The following CREB5 variants were observed in gnomAD, a reference collection of about 807,000 sequenced individuals.
CREB5 encodes cyclic AMP-responsive element-binding protein 5.
Under a neutral mutation model 57.1 loss-of-function variants are expected in CREB5, and 19 were observed. That is an observed-to-expected ratio of 0.33 (90% confidence interval 0.23 to 0.49). The LOEUF is 0.49. Among genes scored for constraint, CREB5 ranks in the 20% least tolerant of loss-of-function variants. The pLI, the probability that CREB5 is intolerant of heterozygous loss-of-function variation, is 0.99. For missense variants in CREB5, 579 were observed against 671.6 expected, an observed-to-expected ratio of 0.86 and a Z score of 1.52; for synonymous variants, 238 against 238.3, an observed-to-expected ratio of 1.00 and a Z score of 0.01.
chr7:28,633,257 C>T lies in CREB5; in HGVS notation c.464+62720C>T, dbSNP rs185350650. Among the ~76,000 whole-genome samples, 92 of 152,258 alleles carry T rather than the reference C, an allele frequency of 6.0e-4. No individual in the cohort carries two copies. In the Middle Eastern group the frequency reaches 0.014, roughly 23 times the overall value. On this transcript the variant is annotated intron_variant, in intron 5 of 10. Transcript: ENST00000357727. The stretch of plus-strand genomic sequence containing the variant: ...GTGCTTTTATCCACTCTATGGGATG[C>T]GTTTTTGTTCCAAAACAAATACTGG...
At chr7:28,457,623 T>C (rs1790161426) in intron 1 of CREB5, among the ~76,000 whole-genome samples, 1 of 152,172 alleles carries the variant, frequency 6.6e-6, no homozygotes, top group South Asian at 2.1e-4. Context: ...CTTGGGTATA[T>C]TAGAGATACA....
At position 28,560,889 on chromosome 7, in the gene CREB5, T is replaced by TGCGC. The variant is rs1310018316; in HGVS notation, c.292-9475_292-9474insCGCG. Among the ~76,000 whole-genome samples the TGCGC allele has an allele frequency of 4.4e-3, 81 of 18,216 alleles. 12 individuals are homozygous for TGCGC. Among genetic ancestry groups the TGCGC allele is most frequent in the Middle Eastern group, 0.026 (1 of 38 alleles). 12.0% of individuals were successfully genotyped at this position (18,216 alleles called of 152,430 possible). ...GCCTGCGTGCGCGTGCGTGCGTGCG[T>TGCGC]GTGTGTGCGTGCGCGCGTGCGTGTG... On this transcript the variant is annotated intron_variant, in intron 4 of 10. Transcript: ENST00000357727.
chr7:28,740,588 G>C (rs1488519310), intron 7 of CREB5, among the ~76,000 whole-genome samples: 1 of 152,192 alleles, frequency 6.6e-6, no homozygotes, highest in Non-Finnish European at 1.5e-5. Flanking sequence ...ATTATAGCCT[G>C]TGCTGAGAGG....
intron 3 of CREB5, among the ~76,000 whole-genome samples, chr7:28,505,644 A>C (rs1293013135): frequency 6.6e-6 from 1 of 152,194 alleles, no homozygotes; most frequent in Non-Finnish European, 1.5e-5. Context: ...TTTAGATCAA[A>C]AAGGGATAGT....
chr7:28,564,879 G>T (rs1028693499), intron 4 of CREB5, among the ~76,000 whole-genome samples: 9 of 152,214 alleles, frequency 5.9e-5, no homozygotes, highest in African/African-American at 2.2e-4. Flanking sequence ...ATGAATCAGA[G>T]TCTAAAAAGT....
At chr7:28,622,672 A>G (rs765951276) in intron 5 of CREB5, among the ~76,000 whole-genome samples, 5 of 152,114 alleles carry the variant, frequency 3.3e-5, no homozygotes, top group East Asian at 1.9e-4. Flanking sequence ...GAGATGTTCA[A>G]TGACTTATTT....
At chr7:28,551,951 T>TTCTC (rs1562791305) in intron 4 of CREB5, among the ~76,000 whole-genome samples, 5 of 141,912 alleles carry the variant, frequency 3.5e-5, no homozygotes, top group African/African-American at 1.5e-4. Context: ...CTCTTTTTTA[T>TTCTC]TCTTTCTCTT....
chr7:28,649,490 A>C (rs1486029505), intron 5 of CREB5, among the ~76,000 whole-genome samples: 1 of 152,214 alleles, frequency 6.6e-6, no homozygotes, highest in African/African-American at 2.4e-5. Context: ...TGTGAAGATG[A>C]AAATATTTAC....
chr7:28,810,106 G>C (rs1444512033), intron 9 of CREB5, among the ~76,000 whole-genome samples: 1 of 152,136 alleles, frequency 6.6e-6, no homozygotes, highest in Non-Finnish European at 1.5e-5. Flanking sequence ...GTGTCTGGGA[G>C]TGTCTAAGAG....
intron 5 of CREB5, among the ~76,000 whole-genome samples, chr7:28,662,440 G>A (rs1799646870): frequency 6.6e-6 from 1 of 152,208 alleles, no homozygotes; most frequent in Admixed American, 6.5e-5. Context: ...GCGCTCTCGT[G>A]CTTGCCTCGG....
intron 1 of CREB5, among the ~76,000 whole-genome samples, chr7:28,431,118 C>T (rs67858488): frequency 8.5e-5 from 13 of 152,234 alleles, no homozygotes; most frequent in East Asian, 1.9e-4. Context: ...GAGGAGAAAG[C>T]GAGAGATGGG....
At chr7:28,669,540 G>A (rs776244231) in intron 5 of CREB5, among the ~76,000 whole-genome samples, 1 of 152,200 alleles carries the variant, frequency 6.6e-6, no homozygotes, top group Non-Finnish European at 1.5e-5. Flanking sequence ...GAAGCTGGTG[G>A]AGGGCATACA....
chr7:28,730,027 C>T (rs1396098352), intron 7 of CREB5, among the ~76,000 whole-genome samples: 1 of 152,184 alleles, frequency 6.6e-6, no homozygotes, highest in Non-Finnish European at 1.5e-5. Flanking sequence ...TATGCTGTGT[C>T]TCACCTTAAA....
At chr7:28,504,448 C>A (rs1411099191) in intron 3 of CREB5, among the ~76,000 whole-genome samples, 1 of 152,038 alleles carries the variant, frequency 6.6e-6, no homozygotes, top group Non-Finnish European at 1.5e-5. Context: ...GATAGGAGGC[C>A]CTTGGGGGGT....
chr7:28,700,416 A>G (rs1801791482), intron 5 of CREB5, among the ~76,000 whole-genome samples: 1 of 152,176 alleles, frequency 6.6e-6, no homozygotes, highest in African/African-American at 2.4e-5. Context: ...GCCTTCATAA[A>G]TGATGAATTC....
chr7:28,735,985 A>G (rs1391047914), intron 7 of CREB5, among the ~76,000 whole-genome samples: 2 of 150,864 alleles, frequency 1.3e-5, no homozygotes, highest in African/African-American at 2.4e-5. Context: ...TAAATTTTTT[A>G]CAGAGACAGG....
At chr7:28,394,798 C>T (rs1234197686) in intron 1 of CREB5, among the ~76,000 whole-genome samples, 1 of 152,108 alleles carries the variant, frequency 6.6e-6, no homozygotes, top group Non-Finnish European at 1.5e-5. Flanking sequence ...AAAAGTTTGT[C>T]ATGAAGAGAA....
intron 1 of CREB5, among the ~76,000 whole-genome samples, chr7:28,391,882 G>A (rs190972038): frequency 6.6e-5 from 10 of 152,164 alleles, no homozygotes; most frequent in Non-Finnish European, 4.4e-5. Flanking sequence ...ATTCCTAGCC[G>A]GGGTCCCTCC....
At chr7:28,730,713 T>C (rs1803569757) in intron 7 of CREB5, among the ~76,000 whole-genome samples, 1 of 152,094 alleles carries the variant, frequency 6.6e-6, no homozygotes, top group African/African-American at 2.4e-5. Context: ...ATCATATTGT[T>C]GGGGCTTCAT....
Sources: allele counts gnomAD v4.1 joint callset (sites outside exome capture counted in the v4.1 genomes callset), GRCh38; gene constraint gnomAD v4.1.1; transcripts MANE v1.5; gene names NCBI Gene and HGNC (gene_info 2026-07-23, HGNC 2026-07-21).